The following RAB3B variants were observed in gnomAD, a reference collection of about 807,000 sequenced individuals.
The protein encoded by RAB3B is RAB3B, member RAS oncogene family, also known as ras-related protein Rab-3B.
RAB3B carries 11 observed loss-of-function variants against 20.5 expected under a neutral mutation model. That is an observed-to-expected ratio of 0.54 (90% CI 0.34 to 0.89). The LOEUF (loss-of-function observed/expected upper bound fraction) is 0.89, where lower values mean the gene tolerates loss of function less well. RAB3B is among the 40% of genes least tolerant of loss of function. The pLI, the probability that RAB3B is intolerant of heterozygous loss-of-function variation, is 0.02. For missense variants in RAB3B, 225 were observed against 280.9 expected (o/e 0.80, Z 1.42); for synonymous variants, 99 against 106.3 (o/e 0.93, Z 0.42).
At chr1:51,984,189 G>A (rs976499148) in intron 1 of RAB3B, among the ~76,000 whole-genome samples, 9 of 134,266 alleles carry the variant, frequency 6.7e-5, no homozygotes, top group African/African-American at 1.9e-4. Context: ...ACTTGAACCT[G>A]GCAGGCGGAG....
intron 2 of RAB3B, among the ~76,000 whole-genome samples, chr1:51,971,352 T>A (rs974104752): frequency 6.6e-5 from 10 of 152,048 alleles, no homozygotes; most frequent in South Asian, 2.1e-4. Context: ...GGGGGATAAG[T>A]TCCAAGACCC....
At chr1:51,972,542 A>G (rs1455691237) in intron 2 of RAB3B, among the ~76,000 whole-genome samples, 1 of 119,942 alleles carries the variant, frequency 8.3e-6, no homozygotes, top group East Asian at 2.4e-4. Context: ...GTGTGCTTGT[A>G]TTTGGAGATG....
chr1:51,983,730 C>T (rs1685116302), intron 1 of RAB3B, among the ~76,000 whole-genome samples: 1 of 149,800 alleles, frequency 6.7e-6, no homozygotes, highest in Non-Finnish European at 1.5e-5. Context: ...GAGGCCGAGG[C>T]AGGCGGATCA....
chr1:51,909,559 T>C lies in RAB3B; in HGVS notation c.*10368A>G, dbSNP rs1683968556. ...ACTCTAAACTCTCATTCTGGGCTCA[T>C]TCCTCACTCCTGGAGGCTGATTTCT... On this transcript the variant is annotated 3_prime_UTR_variant, in exon 5 of 5. Coordinates refer to ENST00000371655, the MANE Select transcript of RAB3B (RefSeq NM_002867.4). 1 of 152,104 alleles carries C rather than the reference T, an allele frequency of 6.6e-6. No homozygotes were observed. 9.4% of individuals were successfully genotyped at this position (152,104 alleles called of 1,614,324 possible). A position where few individuals can be genotyped will look rare whatever the true frequency, so the allele number is the denominator to read the frequency against.
chr1:51,912,470 G>A lies in RAB3B; in HGVS notation c.*7457C>T, dbSNP rs1684013769. ...TACGTACAATCCTAGTGACTCAGGA[G>A]GCCAAGGCAAGAGGATCGCTTGAGG... On this transcript the variant is annotated 3_prime_UTR_variant, in exon 5 of 5. Transcript: ENST00000371655. The A allele has an allele frequency of 1.4e-5, 2 of 145,732 alleles. No individual in the cohort carries two copies. The highest frequency in any genetic ancestry group is 1.4e-4 in the Admixed American group (2 of 14,430). 9.0% of individuals were successfully genotyped at this position (145,732 alleles called of 1,614,324 possible).
chr1:51,957,403 A>C (rs1684721925), intron 2 of RAB3B, among the ~76,000 whole-genome samples: 1 of 152,184 alleles, frequency 6.6e-6, no homozygotes, highest in African/African-American at 2.4e-5. Context: ...TTCATTAAAC[A>C]CTGTAAGCAC....
intron 2 of RAB3B, among the ~76,000 whole-genome samples, chr1:51,943,097 C>T (rs2897314): frequency 0.33 from 50,226 of 151,808 alleles, 10,059 homozygotes; most frequent in East Asian, 0.8. Flanking sequence ...AATAACCCTA[C>T]AATGGGCCCA....
intron 4 of RAB3B, among the ~76,000 whole-genome samples, chr1:51,930,844 C>T (rs562352242): frequency 4.7e-4 from 71 of 152,088 alleles, no homozygotes; most frequent in African/African-American, 1.6e-3. Flanking sequence ...GATGAAACCC[C>T]GTCTCTACTG....
chr1:51,985,919 T>C (rs992311697), intron 1 of RAB3B, among the ~76,000 whole-genome samples: 31 of 151,652 alleles, frequency 2.0e-4, no homozygotes, highest in African/African-American at 6.8e-4. Context: ...AGCAAGTCAG[T>C]TGGAGGGTCA....
intron 4 of RAB3B, among the ~76,000 whole-genome samples, chr1:51,929,440 G>T (rs1325684062): frequency 6.6e-6 from 1 of 151,984 alleles, no homozygotes; most frequent in Non-Finnish European, 1.5e-5. Context: ...GGATTCTCCT[G>T]CTTCAGCCTC....
At chr1:51,975,415 A>T (rs974871553) in intron 2 of RAB3B, among the ~76,000 whole-genome samples, 7 of 152,202 alleles carry the variant, frequency 4.6e-5, no homozygotes, top group African/African-American at 1.7e-4. Context: ...CCAGCTTCCA[A>T]GATGGTCCCC....
At chr1:51,989,565 C>T (rs1018987791) in intron 1 of RAB3B, among the ~76,000 whole-genome samples, 5 of 151,688 alleles carry the variant, frequency 3.3e-5, no homozygotes, top group Non-Finnish European at 5.9e-5. Flanking sequence ...GCTGACCCAG[C>T]GCCCCACCAC....
intron 2 of RAB3B, among the ~76,000 whole-genome samples, chr1:51,946,385 A>C (rs759966756): frequency 2.6e-5 from 4 of 152,200 alleles, no homozygotes; most frequent in Non-Finnish European, 5.9e-5. Flanking sequence ...AGGAACATTG[A>C]TTCTCCTCCT....
intron 2 of RAB3B, among the ~76,000 whole-genome samples, chr1:51,946,368 C>T (rs1346889636): frequency 6.6e-6 from 1 of 152,186 alleles, no homozygotes; most frequent in Non-Finnish European, 1.5e-5. Flanking sequence ...TTTTAAAAAT[C>T]ACACTGAGGA....
chr1:51,933,307 C>A lies in RAB3B; in HGVS notation c.472+11G>T. On this transcript the variant is annotated intron_variant, in intron 4 of 4. Transcript: ENST00000371655. Reference sequence around the variant, plus strand: ...AATGCACACATGCACATACATGTGTCATGTACATACCAAGCTGCTCTGCAA... The same window carrying A: ...AATGCACACATGCACATACATGTGTAATGTACATACCAAGCTGCTCTGCAA... The A allele has an allele frequency of 6.2e-7, 1 of 1,613,390 alleles. No individual in the cohort carries two copies. Among genetic ancestry groups the A allele is most frequent in the Non-Finnish European group, 8.5e-7 (1 of 1,179,690 alleles).
chr1:51,982,330 T>C (rs1043971777), intron 1 of RAB3B, among the ~76,000 whole-genome samples: 1 of 152,182 alleles, frequency 6.6e-6, no homozygotes, highest in Non-Finnish European at 1.5e-5. Flanking sequence ...GGAGGATCGC[T>C]CAAGCCAAGG....
chr1:51,973,046 C>T (rs1158811765), intron 2 of RAB3B, among the ~76,000 whole-genome samples: 1 of 152,114 alleles, frequency 6.6e-6, no homozygotes, highest in East Asian at 1.9e-4. Flanking sequence ...GCCTCATTTC[C>T]ATCCACCCTT....
intron 2 of RAB3B, among the ~76,000 whole-genome samples, chr1:51,967,521 C>CTTTTTCTTTTTTTTTTTTT (rs1684870854): frequency 2.7e-5 from 1 of 36,514 alleles, no homozygotes; most frequent in Admixed American, 6.3e-4. Flanking sequence ...TTTTCTTTTT[C>CTTTTTCTTTTTTTTTTTTT]TTTTTTTTTT....
intron 2 of RAB3B, among the ~76,000 whole-genome samples, chr1:51,964,436 G>A (rs565276158): frequency 6.6e-6 from 1 of 151,024 alleles, no homozygotes; most frequent in South Asian, 2.1e-4. Context: ...TCTTCTTCCT[G>A]CCTTCACTCT....
Sources: allele counts gnomAD v4.1 joint callset (sites outside exome capture counted in the v4.1 genomes callset), GRCh38; gene constraint gnomAD v4.1.1; transcripts MANE v1.5; gene names NCBI Gene and HGNC (gene_info 2026-07-23, HGNC 2026-07-21).